IPCEF1: variants seen among roughly 807,000 people sequenced by gnomAD.
The protein encoded by IPCEF1 is interactor protein for cytohesin exchange factors 1.
A neutral mutation model predicts 50.9 loss-of-function variants in IPCEF1; 31 were observed. The ratio of observed to expected loss-of-function variants is 0.61; its 90% CI spans 0.46 to 0.82. The LOEUF is 0.82. IPCEF1 is among the 40% of genes least tolerant of loss of function. The pLI is 0.00. For synonymous variants in IPCEF1, 181 were observed against 192.0 expected (o/e 0.94, Z 0.47); for missense variants, 458 against 514.0 (o/e 0.89, Z 1.05).
At chr6:154,220,700 G>C (rs1271685500) in intron 7 of IPCEF1, among the ~76,000 whole-genome samples, 1 of 152,120 alleles carries the variant, frequency 6.6e-6, no homozygotes, top group African/African-American at 2.4e-5. Context: ...AAACCATTAG[G>C]AATGGTGTAG....
At chr6:154,250,536 T>A (rs1562566787) in intron 3 of IPCEF1, among the ~76,000 whole-genome samples, 1 of 152,208 alleles carries the variant, frequency 6.6e-6, no homozygotes, top group Non-Finnish European at 1.5e-5. Flanking sequence ...AAAAGATGGT[T>A]CAAAAACTTC....
At chr6:154,273,724 CTT>C (rs71021036) in intron 2 of IPCEF1, among the ~76,000 whole-genome samples, 22 of 63,322 alleles carry the variant, frequency 3.5e-4, no homozygotes, top group African/African-American at 1.2e-3. Flanking sequence ...TTCTTTCTTT[CTT>C]TTTTTTTTTT....
chr6:154,350,605 AT>A (rs1350219803), intron 1 of IPCEF1, among the ~76,000 whole-genome samples: 13 of 152,362 alleles, frequency 8.5e-5, no homozygotes, highest in African/African-American at 2.9e-4. Flanking sequence ...AATTACTTTC[AT>A]TCTTTACCTC....
At chr6:154,203,042 G>A (rs1012786213) in intron 9 of IPCEF1, among the ~76,000 whole-genome samples, 1 of 152,250 alleles carries the variant, frequency 6.6e-6, no homozygotes, top group African/African-American at 2.4e-5. Context: ...ACGCTTTATA[G>A]ACCGTGTAGT....
Position 154,246,654 on chromosome 6 carries a change from G to A in IPCEF1, c.183C>T (p.Asn61=), listed in dbSNP as rs150451339. 2.7e-5 allele frequency: 44 copies of A among 1,614,014 alleles called. No homozygotes were observed. The African/African-American group carries it at 5.9e-4, about 22-fold the overall frequency. The change falls in exon 5 of 12, where the codon AAC becomes AAT. Residue 61 remains asparagine, a synonymous_variant. Coordinates refer to ENST00000367220, the MANE Select transcript of IPCEF1 (RefSeq NM_001130700.2). ...GTATCACCCAGAACTTTTTCCATTT[G>A]TTGCTTAGGAAACTTCCCTTTTCCT... The part of the protein sequence containing the change: ...KKKEKGSFLS[N]KWKKFWVILK...
At chr6:154,210,356 A>G (rs564324523) in intron 9 of IPCEF1, among the ~76,000 whole-genome samples, 1 of 152,332 alleles carries the variant, frequency 6.6e-6, no homozygotes, top group African/African-American at 2.4e-5. Flanking sequence ...CTTGAGGAAA[A>G]AATGGAGGGA....
intron 10 of IPCEF1, among the ~76,000 whole-genome samples, chr6:154,179,301 A>T (rs936096205): frequency 3.9e-5 from 6 of 152,222 alleles, no homozygotes; most frequent in African/African-American, 1.2e-4. Context: ...TGTACCTCCA[A>T]GAGGCTTTTC....
At chr6:154,314,967 G>A (rs371045257) in intron 1 of IPCEF1, among the ~76,000 whole-genome samples, 4 of 149,348 alleles carry the variant, frequency 2.7e-5, no homozygotes, top group African/African-American at 5.0e-5. Context: ...TGCAACCTCC[G>A]CCTCCCAGGT....
intron 1 of IPCEF1, among the ~76,000 whole-genome samples, chr6:154,308,952 T>G (rs1783006754): frequency 6.6e-6 from 1 of 152,214 alleles, no homozygotes; most frequent in Non-Finnish European, 1.5e-5. Flanking sequence ...TGGTTTGCAG[T>G]TCTCATTTTA....
intron 9 of IPCEF1, among the ~76,000 whole-genome samples, chr6:154,212,127 A>G (rs534998225): frequency 1.1e-4 from 16 of 152,326 alleles, no homozygotes; most frequent in South Asian, 2.1e-4. Flanking sequence ...ACCTTCCCCA[A>G]TGATCATTGT....
At chr6:154,220,579 T>C (rs1401820163) in intron 7 of IPCEF1, among the ~76,000 whole-genome samples, 2 of 152,030 alleles carry the variant, frequency 1.3e-5, no homozygotes, top group Non-Finnish European at 2.9e-5. Flanking sequence ...GATGCAGAGG[T>C]TGCAGTGAGC....
chr6:154,231,925 C>T (rs1415986874), intron 5 of IPCEF1, among the ~76,000 whole-genome samples: 2 of 152,112 alleles, frequency 1.3e-5, no homozygotes. Flanking sequence ...TGACATAGCC[C>T]CACACAAATA....
chr6:154,240,387 T>A (rs1780483909), intron 5 of IPCEF1, among the ~76,000 whole-genome samples: 1 of 152,284 alleles, frequency 6.6e-6, no homozygotes, highest in East Asian at 1.9e-4. Context: ...CCTATAAAAT[T>A]TTTTTGAATC....
chr6:154,165,674 A>G (rs563431259), intron 11 of IPCEF1, among the ~76,000 whole-genome samples: 1 of 152,336 alleles, frequency 6.6e-6, no homozygotes, highest in South Asian at 2.1e-4. Context: ...GCTTCCTGGT[A>G]TTCAAGGCCT....
chr6:154,242,768 TC>T (rs1780695490), intron 5 of IPCEF1, among the ~76,000 whole-genome samples: 1 of 151,940 alleles, frequency 6.6e-6, no homozygotes, highest in Non-Finnish European at 1.5e-5. Context: ...ACACCTGTAA[TC>T]CCAGCTACTC....
At chr6:154,328,399 C>T (rs1220298109) in intron 1 of IPCEF1, among the ~76,000 whole-genome samples, 1 of 152,000 alleles carries the variant, frequency 6.6e-6, no homozygotes, top group Admixed American at 6.6e-5. Context: ...ATATTCCCCA[C>T]CTTGGAGATT....
chr6:154,181,173 T>C (rs1800835812), intron 10 of IPCEF1, among the ~76,000 whole-genome samples: 1 of 152,136 alleles, frequency 6.6e-6, no homozygotes, highest in Non-Finnish European at 1.5e-5. Context: ...TATATTTAAA[T>C]TATTTAATTA....
chr6:154,241,064 C>T (rs762809053), intron 5 of IPCEF1, among the ~76,000 whole-genome samples: 4 of 151,938 alleles, frequency 2.6e-5, no homozygotes, highest in Admixed American at 6.6e-5. Flanking sequence ...GGTGAAACCC[C>T]GTCTCTACTA....
At chr6:154,229,516 A>AT (rs1304204191) in intron 5 of IPCEF1, among the ~76,000 whole-genome samples, 1 of 147,876 alleles carries the variant, frequency 6.8e-6, no homozygotes, top group Non-Finnish European at 1.5e-5. Flanking sequence ...CACCCGGCTC[A>AT]TTTTTTGTAT....
Sources: allele counts gnomAD v4.1 joint callset (sites outside exome capture counted in the v4.1 genomes callset), GRCh38; gene constraint gnomAD v4.1.1; transcripts MANE v1.5; gene names NCBI Gene and HGNC (gene_info 2026-07-23, HGNC 2026-07-21).